The following CDC14A variants were observed in gnomAD, a reference collection of about 807,000 sequenced individuals.
CDC14A encodes the protein cell division cycle 14A.
CDC14A carries 53 observed loss-of-function variants against 74.4 expected under a neutral mutation model. The observed-to-expected ratio is 0.71, with a 90% confidence interval of 0.57 to 0.89. CDC14A has a LOEUF of 0.89. Among genes scored for constraint, CDC14A ranks in the 40% least tolerant of loss-of-function variants. CDC14A has a pLI of 0.00. For missense variants in CDC14A, 646 were observed against 713.7 expected (o/e 0.91, Z 1.08); for synonymous variants, 247 against 258.4 (o/e 0.96, Z 0.43).
intron 10 of CDC14A, among the ~76,000 whole-genome samples, chr1:100,474,009 C>T (rs1032851048): frequency 2.0e-5 from 3 of 152,052 alleles, no homozygotes; most frequent in Admixed American, 1.3e-4. Context: ...TTTATCAGGT[C>T]GAGGCGGTTC....
At chr1:100,409,563 G>A (rs1377235617) in intron 4 of CDC14A, among the ~76,000 whole-genome samples, 2 of 152,202 alleles carry the variant, frequency 1.3e-5, no homozygotes, top group Non-Finnish European at 2.9e-5. Context: ...CATTGGGTAA[G>A]TACAGCCATT....
intron 10 of CDC14A, among the ~76,000 whole-genome samples, chr1:100,481,461 C>A (rs1669465140): frequency 6.6e-6 from 1 of 152,134 alleles, no homozygotes; most frequent in African/African-American, 2.4e-5. Flanking sequence ...GGAATATTCA[C>A]TATAACAGTG....
Position 100,518,288 on chromosome 1 carries a change from C to A in CDC14A, c.*8C>A. On this transcript the variant is annotated 3_prime_UTR_variant, in exon 16 of 16. Transcript: ENST00000336454. ...GAATATGTTCATTACTAAGGCCTTG[C>A]CACTCCAGTGAAAGCTGTTCTTCTC... is the stretch of plus-strand genomic sequence containing the variant. 6.2e-7 allele frequency: 1 copy of A among 1,608,026 alleles called. No individual in the cohort carries two copies. The highest frequency in any genetic ancestry group is 8.5e-7 in the Non-Finnish European group (1 of 1,174,906).
intron 4 of CDC14A, chr1:100,391,059 T>C: frequency 1.9e-6 from 1 of 534,236 alleles, no homozygotes; most frequent in South Asian, 2.0e-5. Flanking sequence ...GTAGCTTGAA[T>C]TCCACAGTTA....
In CDC14A at chr1:100,459,462, C is replaced by T. The variant is rs373485817; in HGVS notation, c.608-3189C>T. On this transcript the variant is annotated intron_variant, in intron 8 of 15. Coordinates refer to ENST00000336454, the MANE Select transcript of CDC14A (RefSeq NM_003672.4). ...GCAGGTATTATGGTTACATTTTTATCATTAGCTGGCCTAATCAACAGATTT... is the reference window on the plus strand; with the variant it reads ...GCAGGTATTATGGTTACATTTTTATTATTAGCTGGCCTAATCAACAGATTT... 2.2e-4 allele frequency among the ~76,000 whole-genome samples: 34 copies of T among 152,330 alleles called. No homozygotes were observed. The East Asian group carries it at 5.6e-3, about 25-fold the overall frequency.
chr1:100,476,397 G>A (rs1213151191), intron 10 of CDC14A, among the ~76,000 whole-genome samples: 1 of 152,098 alleles, frequency 6.6e-6, no homozygotes, highest in Non-Finnish European at 1.5e-5. Flanking sequence ...GCAGTGAGCC[G>A]AGATTGTGCC....
At chr1:100,363,059 A>T (rs1182560978) in intron 2 of CDC14A, 1 of 152,244 alleles carries the variant, frequency 6.6e-6, no homozygotes, top group Admixed American at 6.5e-5. Flanking sequence ...TGGTTCAACC[A>T]GGTGTGACGT....
At chr1:100,403,726 C>T (rs1019020008) in intron 4 of CDC14A, among the ~76,000 whole-genome samples, 7 of 152,168 alleles carry the variant, frequency 4.6e-5, no homozygotes, top group African/African-American at 1.7e-4. Context: ...ATACTCCTCC[C>T]TTCTTCCTGG....
chr1:100,354,103 T>G (rs896761175), intron 2 of CDC14A, among the ~76,000 whole-genome samples: 4 of 152,340 alleles, frequency 2.6e-5, no homozygotes, highest in Middle Eastern at 3.4e-3. Flanking sequence ...AAACAGCAAC[T>G]GGAGATTCCT....
intron 5 of CDC14A, 118 bp from the exon 6 acceptor site, chr1:100,439,814 A>C (rs925901899): frequency 2.9e-6 from 2 of 687,014 alleles, no homozygotes; most frequent in African/African-American, 3.6e-5. Context: ...ATATAAGTTT[A>C]CCATGTTGAT....
At chr1:100,366,714 A>C (rs1049046138) in intron 2 of CDC14A, among the ~76,000 whole-genome samples, 9 of 152,116 alleles carry the variant, frequency 5.9e-5, no homozygotes, top group African/African-American at 2.2e-4. Context: ...CAGGACTCCA[A>C]ATGCTCCAAT....
At chr1:100,499,293 C>T (rs778306407) in intron 15 of CDC14A, 31 bp downstream of exon 15, 1 of 1,614,196 alleles carries the variant, frequency 6.2e-7, no homozygotes, top group Non-Finnish European at 8.5e-7. Flanking sequence ...TCCTGGTCCT[C>T]AGAACCCTGA....
chr1:100,406,889 G>A (rs1300674399), intron 4 of CDC14A, among the ~76,000 whole-genome samples: 1 of 151,308 alleles, frequency 6.6e-6, no homozygotes, highest in Non-Finnish European at 1.5e-5. Flanking sequence ...TCGTGCCATT[G>A]GACTCCAGCC....
chr1:100,392,484 A>T (rs1571045714), intron 4 of CDC14A, among the ~76,000 whole-genome samples: 1 of 151,158 alleles, frequency 6.6e-6, no homozygotes, highest in East Asian at 1.9e-4. Flanking sequence ...GGACCAAATG[A>T]TTTTTATTCA....
intron 15 of CDC14A, among the ~76,000 whole-genome samples, chr1:100,504,516 A>G (rs975763752): frequency 1.5e-4 from 23 of 152,232 alleles, no homozygotes; most frequent in Admixed American, 5.9e-4. Context: ...AACTCAATAC[A>G]TAAACGAAAA....
intron 4 of CDC14A, among the ~76,000 whole-genome samples, chr1:100,422,443 C>T (rs113340984): frequency 0.03 from 4,495 of 152,272 alleles, 99 homozygotes; most frequent in Middle Eastern, 0.088. Context: ...TCAAATACTG[C>T]GGCATCTTTA....
chr1:100,409,951 G>GTT (rs1439861060), intron 4 of CDC14A, among the ~76,000 whole-genome samples: 4 of 152,334 alleles, frequency 2.6e-5, no homozygotes, highest in African/African-American at 9.6e-5. Flanking sequence ...TTGCAAGTGA[G>GTT]TTGGAGTTTT....
intron 4 of CDC14A, among the ~76,000 whole-genome samples, chr1:100,418,006 A>T (rs1333295506): frequency 6.6e-6 from 1 of 152,144 alleles, no homozygotes; most frequent in Non-Finnish European, 1.5e-5. Flanking sequence ...GCCCATCAGG[A>T]TGTGCTTATG....
intron 3 of CDC14A, among the ~76,000 whole-genome samples, chr1:100,382,029 A>G (rs776759671): frequency 6.6e-6 from 1 of 152,116 alleles, no homozygotes; most frequent in African/African-American, 2.4e-5. Flanking sequence ...TTGAAATTAT[A>G]CAATTTTGTA....
Sources: gnomAD v4.1 joint callset for allele counts (sites outside exome capture counted in the v4.1 genomes callset) on GRCh38, gnomAD v4.1.1 for gene constraint, MANE v1.5 for transcripts, NCBI Gene and HGNC (gene_info 2026-07-23, HGNC 2026-07-21) for gene names.